The following PLCXD3 variants were observed in gnomAD, a reference collection of about 807,000 sequenced individuals.
PLCXD3 encodes the protein PI-PLC X domain-containing protein 3.
In PLCXD3, 19 loss-of-function variants were observed where a neutral mutation model predicts 25.5. The ratio of observed to expected loss-of-function variants is 0.75; its 90% CI spans 0.52 to 1.09. The LOEUF (loss-of-function observed/expected upper bound fraction) is 1.09, where lower values mean the gene tolerates loss of function less well. PLCXD3 is among the 50% of genes least tolerant of loss of function. PLCXD3 has a pLI of 0.00. For synonymous variants in PLCXD3, 174 were observed against 137.6 expected, an observed-to-expected ratio of 1.26 and a Z score of -1.85; for missense variants, 411 against 388.1, an observed-to-expected ratio of 1.06 and a Z score of -0.50.
At chr5:41,393,160 A>G (rs1162089795) in intron 1 of PLCXD3, among the ~76,000 whole-genome samples, 1 of 152,170 alleles carries the variant, frequency 6.6e-6, no homozygotes, top group Non-Finnish European at 1.5e-5. Flanking sequence ...CAAAGGGAAA[A>G]TAACAGAGAA....
At chr5:41,478,582 G>T (rs541516337) in intron 1 of PLCXD3, among the ~76,000 whole-genome samples, 1 of 152,058 alleles carries the variant, frequency 6.6e-6, no homozygotes, top group Non-Finnish European at 1.5e-5. Context: ...TTACTTAAAC[G>T]TTTCTCAAAG....
chr5:41,376,696 G>T (rs969633006), intron 2 of PLCXD3, among the ~76,000 whole-genome samples: 1 of 152,126 alleles, frequency 6.6e-6, no homozygotes, highest in African/African-American at 2.4e-5. Flanking sequence ...TCTCCTCTAA[G>T]TTACCATAGA....
At chr5:41,492,757 C>T (rs1748733817) in intron 1 of PLCXD3, among the ~76,000 whole-genome samples, 1 of 152,246 alleles carries the variant, frequency 6.6e-6, no homozygotes. Flanking sequence ...TCACGTAGTT[C>T]TCGAGCCTTG....
At chr5:41,420,394 A>G (rs889138589) in intron 1 of PLCXD3, among the ~76,000 whole-genome samples, 1 of 152,156 alleles carries the variant, frequency 6.6e-6, no homozygotes, top group Non-Finnish European at 1.5e-5. Flanking sequence ...CTAGGCAAAA[A>G]CCCATGATCT....
intron 2 of PLCXD3, among the ~76,000 whole-genome samples, chr5:41,379,996 T>C (rs778542945): frequency 3.0e-4 from 46 of 152,082 alleles, no homozygotes; most frequent in Non-Finnish European, 5.7e-4. Flanking sequence ...TGGACCATTC[T>C]GAGTAACAGA....
chr5:41,382,227 C>T lies in PLCXD3; in HGVS notation c.411G>A (p.Lys137=), dbSNP rs1178687343. 8 of 1,613,638 alleles carry T rather than the reference C, an allele frequency of 5.0e-6. No homozygotes were observed. Among genetic ancestry groups the T allele is most frequent in the South Asian group, 1.1e-5 (1 of 91,084 alleles). ...EINAFLTDHH[K]EVVFLDFNHF... Reference sequence around the variant, plus strand: ...GGTTGAAGTCCAAGAACACTACCTCCTTATGGTGATCTGTGAGGAATGCAT... The same window carrying T: ...GGTTGAAGTCCAAGAACACTACCTCTTTATGGTGATCTGTGAGGAATGCAT... The change falls in exon 2 of 3, where the codon AAG becomes AAA. Residue 137 remains lysine, a synonymous_variant. Coordinates refer to ENST00000377801, the MANE Select transcript of PLCXD3 (RefSeq NM_001005473.3).
At chr5:41,380,954 A>G (rs1420350428) in intron 2 of PLCXD3, among the ~76,000 whole-genome samples, 1 of 152,162 alleles carries the variant, frequency 6.6e-6, no homozygotes, top group East Asian at 1.9e-4. Context: ...GGCTTGACCA[A>G]TGAAGTGACC....
At chr5:41,402,841 T>C (rs576427438) in intron 1 of PLCXD3, among the ~76,000 whole-genome samples, 2 of 152,180 alleles carry the variant, frequency 1.3e-5, no homozygotes, top group South Asian at 4.1e-4. Flanking sequence ...TGGATATTAA[T>C]ATTTAATATC....
chr5:41,428,394 G>GT (rs796225727), intron 1 of PLCXD3, among the ~76,000 whole-genome samples: 1 of 136,758 alleles, frequency 7.3e-6, no homozygotes, highest in Non-Finnish European at 1.6e-5. Flanking sequence ...TTTTGTTTTT[G>GT]TTTTTTTTAG....
At chr5:41,476,719 C>G (rs1470920245) in intron 1 of PLCXD3, among the ~76,000 whole-genome samples, 1 of 152,152 alleles carries the variant, frequency 6.6e-6, no homozygotes, top group Admixed American at 6.5e-5. Context: ...TATGCTGAGT[C>G]CTGTGAGTCC....
At chr5:41,364,760 T>G (rs1056337939) in intron 2 of PLCXD3, among the ~76,000 whole-genome samples, 6 of 152,198 alleles carry the variant, frequency 3.9e-5, no homozygotes, top group African/African-American at 1.4e-4. Flanking sequence ...GCTCCTCAGC[T>G]GTCTTTCAGA....
At chr5:41,338,448 T>A (rs1300222982) in intron 2 of PLCXD3, among the ~76,000 whole-genome samples, 1 of 152,098 alleles carries the variant, frequency 6.6e-6, no homozygotes, top group African/African-American at 2.4e-5. Flanking sequence ...CTAACATGCG[T>A]GCATGCATGT....
intron 1 of PLCXD3, among the ~76,000 whole-genome samples, chr5:41,414,758 C>A (rs906574491): frequency 1.3e-5 from 2 of 152,170 alleles, no homozygotes; most frequent in Non-Finnish European, 2.9e-5. Context: ...ATGATGAAAT[C>A]TCCTGCTGTC....
intron 2 of PLCXD3, among the ~76,000 whole-genome samples, chr5:41,318,606 A>G (rs1743368288): frequency 6.6e-6 from 1 of 152,182 alleles, no homozygotes; most frequent in Non-Finnish European, 1.5e-5. Flanking sequence ...ATACACAAAA[A>G]ATAAGAAGCA....
At chr5:41,403,398 G>GTTTTTTTTTTTTTTTTTTTTTTTTTTT (rs764950342) in intron 1 of PLCXD3, among the ~76,000 whole-genome samples, 2 of 33,990 alleles carry the variant, frequency 5.9e-5, no homozygotes, top group Non-Finnish European at 1.3e-4. Context: ...TGACTTATTT[G>GTTTTTTTTTTTTTTTTTTTTTTTTTTT]TTGTTTTTTT....
rs538014355 is a variant in PLCXD3 at position 41,380,555 on chromosome 5, G to T, written c.812+1271C>A. On this transcript the variant is annotated intron_variant, in intron 2 of 2. Transcript: ENST00000377801. ...GAGGTTCTCTGTAGCCTGGTTAAAA[G>T]ATTTCTGGAAAATGTATTCTTACAC... 3.9e-5 allele frequency among the ~76,000 whole-genome samples: 6 copies of T among 152,146 alleles called. No homozygotes were observed. In the South Asian group the frequency reaches 1.2e-3, roughly 32 times the overall value.
At chr5:41,318,948 A>G (rs1743380289) in intron 2 of PLCXD3, among the ~76,000 whole-genome samples, 1 of 152,214 alleles carries the variant, frequency 6.6e-6, no homozygotes, top group East Asian at 1.9e-4. Context: ...AATGAACAAA[A>G]AAAGCAGGAG....
intron 2 of PLCXD3, among the ~76,000 whole-genome samples, chr5:41,349,102 G>C (rs1269996886): frequency 6.6e-6 from 1 of 152,124 alleles, no homozygotes; most frequent in Non-Finnish European, 1.5e-5. Context: ...GGATTAGAAA[G>C]AGTCCACATA....
intron 2 of PLCXD3, among the ~76,000 whole-genome samples, chr5:41,377,931 G>T (rs182609734): frequency 5.5e-4 from 83 of 152,148 alleles, no homozygotes; most frequent in Admixed American, 2.7e-3. Flanking sequence ...AATATGTAAG[G>T]CCCAGAGCAG....
Sources: allele counts gnomAD v4.1 joint callset (sites outside exome capture counted in the v4.1 genomes callset), GRCh38; gene constraint gnomAD v4.1.1; transcripts MANE v1.5; gene names NCBI Gene and HGNC (gene_info 2026-07-23, HGNC 2026-07-21).